RCHY1: variants seen among roughly 807,000 people sequenced by gnomAD.
The protein encoded by RCHY1 is RING finger and CHY zinc finger domain-containing protein 1.
Under a neutral mutation model 41.6 loss-of-function variants are expected in RCHY1, and 21 were observed. That is an observed-to-expected ratio of 0.51 (90% CI 0.36 to 0.73). The LOEUF (loss-of-function observed/expected upper bound fraction) is 0.73. RCHY1 is among the 30% of genes least tolerant of loss of function. The pLI, the probability that RCHY1 is intolerant of heterozygous loss-of-function variation, is 0.00. For missense variants in RCHY1, 265 were observed against 325.3 expected (o/e 0.81, Z 1.43); for synonymous variants, 79 against 102.9 (o/e 0.77, Z 1.41).
In RCHY1 at chr4:75,489,016, A is replaced by T. The variant is rs376391786; in HGVS notation, c.657+1565T>A. Among the ~76,000 whole-genome samples, 333 of 152,222 alleles carry T rather than the reference A, an allele frequency of 2.2e-3. 1 individual carries two copies. Among genetic ancestry groups the T allele is most frequent in the Middle Eastern group, 0.02 (6 of 294 alleles). Reference sequence around the variant, plus strand: ...CTTGAACCCTGGAGGCAGAGGTTGCAGTGAGCCGAGATTGTGCCACTGCAC... The same window carrying T: ...CTTGAACCCTGGAGGCAGAGGTTGCTGTGAGCCGAGATTGTGCCACTGCAC... On this transcript the variant is annotated intron_variant, in intron 8 of 8. Transcript: ENST00000324439.
rs939266543 is a variant in RCHY1, at chr4:75,514,378, G to A, written c.-92C>T. ...GCGCCTCTCTAGCACACCCCTCCCA[G>A]CCCCAGCGGCCACTAGCGACAATAT... is the stretch of plus-strand genomic sequence containing the variant. On this transcript the variant is annotated 5_prime_UTR_variant, in exon 1 of 9. Transcript: ENST00000324439. The A allele has an allele frequency of 3.5e-5, 49 of 1,385,854 alleles. No homozygotes were observed. Among genetic ancestry groups the A allele is most frequent in the Middle Eastern group, 2.6e-4 (1 of 3,778 alleles). The allele number at this position is 1,385,854 out of a possible 1,614,324, so 85.8% of individuals were successfully genotyped here. A position where few individuals can be genotyped will look rare whatever the true frequency, so the allele number is the denominator to read the frequency against.
At chr4:75,483,202 C>T (rs979381524) in intron 8 of RCHY1, among the ~76,000 whole-genome samples, 2 of 152,010 alleles carry the variant, frequency 1.3e-5, no homozygotes, top group African/African-American at 4.8e-5. Flanking sequence ...CCTACAATAA[C>T]AATAAGATGC....
chr4:75,495,891 TTGTC>T (rs1723159351), intron 3 of RCHY1, among the ~76,000 whole-genome samples: 1 of 151,838 alleles, frequency 6.6e-6, no homozygotes, highest in Non-Finnish European at 1.5e-5. Context: ...GTATAAATAT[TTGTC>T]TGTGTATATA....
At chr4:75,502,907 C>T (rs766523775) in intron 3 of RCHY1, among the ~76,000 whole-genome samples, 21 of 151,702 alleles carry the variant, frequency 1.4e-4, no homozygotes, top group Non-Finnish European at 2.8e-4. Context: ...TTAAAGAGTC[C>T]GCAGATACCT....
chr4:75,498,853 G>A (rs1164354291), intron 3 of RCHY1, among the ~76,000 whole-genome samples: 1 of 152,014 alleles, frequency 6.6e-6, no homozygotes, highest in Non-Finnish European at 1.5e-5. Context: ...AAAACACTGG[G>A]GAAACTCTCC....
At position 75,482,682 on chromosome 4, in the gene RCHY1, T is replaced by C. The variant is rs1239145501; in HGVS notation, c.658-16A>G. 2 of 1,576,938 alleles carry C rather than the reference T, an allele frequency of 1.3e-6. No individual in the cohort carries two copies. The highest frequency in any genetic ancestry group is 3.5e-5 in the Admixed American group (2 of 57,030). The stretch of plus-strand genomic sequence containing the variant: ...TGCAGAGAATCTGAAAAGAGATTAA[T>C]TCAAATTAAGTATTTTAAACCTTAT... On this transcript the variant is annotated splice_polypyrimidine_tract_variant and intron_variant, in intron 8 of 8. Transcript: ENST00000324439.
intron 3 of RCHY1, among the ~76,000 whole-genome samples, chr4:75,503,152 T>C (rs1281721801): frequency 3.3e-5 from 5 of 152,180 alleles, no homozygotes; most frequent in Admixed American, 3.3e-4. Flanking sequence ...CTGGTCTCTA[T>C]CCAGTAGATG....
chr4:75,483,092 G>A (rs1172703968), intron 8 of RCHY1, among the ~76,000 whole-genome samples: 2 of 151,918 alleles, frequency 1.3e-5, no homozygotes, highest in Non-Finnish European at 2.9e-5. Context: ...TATTTTTTAG[G>A]TTTAGTATAC....
intron 3 of RCHY1, among the ~76,000 whole-genome samples, chr4:75,506,190 T>G: frequency 6.7e-6 from 1 of 149,934 alleles, no homozygotes; most frequent in Admixed American, 6.6e-5. Context: ...GGATTAAGGT[T>G]ATCCATCCCT....
intron 3 of RCHY1, among the ~76,000 whole-genome samples, chr4:75,497,445 C>T (rs546632287): frequency 1.7e-4 from 26 of 152,268 alleles, no homozygotes; most frequent in African/African-American, 6.3e-4. Flanking sequence ...CCAGCTGTTT[C>T]CATACCTTAC....
chr4:75,500,212 A>G (rs1723623147), intron 3 of RCHY1, among the ~76,000 whole-genome samples: 1 of 152,190 alleles, frequency 6.6e-6, no homozygotes. Context: ...GCACTGAATT[A>G]CCACATGTAG....
Position 75,494,326 on chromosome 4 carries a change from T to A in RCHY1, c.327-147A>T, listed in dbSNP as rs1722994173. 14 of 625,850 alleles carry A rather than the reference T, an allele frequency of 2.2e-5. No homozygotes were observed. The South Asian group carries it at 2.4e-4, about 11-fold the overall frequency. 38.8% of individuals were successfully genotyped at this position (625,850 alleles called of 1,614,324 possible). Reference sequence around the variant, plus strand: ...GGGATAAATCCCTATCTCCCCAACATCCCTCTCCAAATGTAAGCACTATAC... The same window carrying A: ...GGGATAAATCCCTATCTCCCCAACAACCCTCTCCAAATGTAAGCACTATAC... On this transcript the variant is annotated intron_variant, in intron 3 of 8. Transcript: ENST00000324439.
chr4:75,508,211 T>C (rs898470088), intron 3 of RCHY1, among the ~76,000 whole-genome samples: 6 of 152,150 alleles, frequency 3.9e-5, no homozygotes, highest in African/African-American at 1.2e-4. Context: ...TTTGACAGTA[T>C]TGGTAACATT....
At chr4:75,487,667 C>CATATATATTCATAATATATATATTCAT (rs1722267101) in intron 8 of RCHY1, among the ~76,000 whole-genome samples, 5 of 38,446 alleles carry the variant, frequency 1.3e-4, no homozygotes, top group East Asian at 6.9e-4. Flanking sequence ...TATATATATT[C>CATATATATTCATAATATATATATTCAT]ATATATATTC....
intron 4 of RCHY1, 150 bp downstream of exon 4, chr4:75,493,951 T>C: frequency 1.8e-6 from 1 of 551,558 alleles, no homozygotes; most frequent in Non-Finnish European, 3.2e-6. Context: ...TATTTTAAAA[T>C]ATCTACTTGT....
intron 8 of RCHY1, among the ~76,000 whole-genome samples, chr4:75,483,066 AAAT>A (rs1319824783): frequency 6.6e-6 from 1 of 152,156 alleles, no homozygotes; most frequent in Non-Finnish European, 1.5e-5. Flanking sequence ...ATTTTTACAC[AAAT>A]AATATTTTTG....
Position 75,491,965 on chromosome 4 carries a change from G to C in RCHY1, c.406-32C>G, listed in dbSNP as rs970802238. 6.7e-6 allele frequency: 10 copies of C among 1,497,430 alleles called. No homozygotes were observed. In the African/African-American group the frequency reaches 1.4e-4, roughly 21 times the overall value. The allele number at this position is 1,497,430 out of a possible 1,614,324, so 92.8% of individuals were successfully genotyped here. Reference sequence around the variant, plus strand: ...AAAAGAGAAATTCACATTAACAAAAGCTTAACTAGATTAAAATGTCAGGTA... The same window carrying C: ...AAAAGAGAAATTCACATTAACAAAACCTTAACTAGATTAAAATGTCAGGTA... On this transcript the variant is annotated intron_variant, in intron 4 of 8. Transcript: ENST00000324439.
upstream of RCHY1, chr4:75,514,561 C>G (rs554611375): frequency 2.9e-6 from 1 of 341,514 alleles, no homozygotes; most frequent in African/African-American, 2.1e-5. Flanking sequence ...CAATCGCTAC[C>G]CGCCCAAATC....
chr4:75,483,483 T>C (rs544895270), intron 8 of RCHY1, among the ~76,000 whole-genome samples: 1 of 152,260 alleles, frequency 6.6e-6, no homozygotes, highest in Admixed American at 6.5e-5. Context: ...GTTTCCTTTT[T>C]GGGATGATAA....
Sources: gnomAD v4.1 joint callset for allele counts (sites outside exome capture counted in the v4.1 genomes callset) on GRCh38, gnomAD v4.1.1 for gene constraint, MANE v1.5 for transcripts, NCBI Gene and HGNC (gene_info 2026-07-23, HGNC 2026-07-21) for gene names.